CYSLTR2: variants seen among roughly 807,000 people sequenced by gnomAD.
The protein encoded by CYSLTR2 is cysteinyl leukotriene receptor 2.
For synonymous variants in CYSLTR2, 179 were observed against 160.8 expected (o/e 1.11, Z -0.86); for missense variants, 398 against 411.9 (o/e 0.97, Z 0.29).
At position 48,708,456 on chromosome 13, in the gene CYSLTR2, A is replaced by C. The variant is rs1445353761; in HGVS notation, c.*598A>C. On this transcript the variant is annotated 3_prime_UTR_variant, in exon 5 of 5. Coordinates refer to ENST00000682523, the MANE Select transcript of CYSLTR2 (RefSeq NM_001308476.3). ...AGGGGAAGGAAGAATTTCATTTTGC[A>C]TTGGGAGAGAGGTTCTAACACACTG... 1.2e-5 allele frequency: 2 copies of C among 167,226 alleles called. No individual in the cohort carries two copies. The highest frequency in any genetic ancestry group is 2.9e-5 in the Non-Finnish European group (2 of 68,220). The allele number at this position is 167,226 out of a possible 1,614,324, so 10.4% of individuals were successfully genotyped here.
chr13:48,658,554 A>G (rs1314919162), intron 1 of CYSLTR2, among the ~76,000 whole-genome samples: 1 of 152,226 alleles, frequency 6.6e-6, no homozygotes, highest in Non-Finnish European at 1.5e-5. Flanking sequence ...AGGGATAGAC[A>G]GGAGACAACT....
At chr13:48,663,985 T>C (rs942823435) in intron 1 of CYSLTR2, among the ~76,000 whole-genome samples, 1 of 152,080 alleles carries the variant, frequency 6.6e-6, no homozygotes, top group Admixed American at 6.6e-5. Context: ...GCCTTTGTTA[T>C]ATTGAAGTAC....
chr13:48,661,913 AG>A (rs1305509613), intron 1 of CYSLTR2, among the ~76,000 whole-genome samples: 1 of 152,178 alleles, frequency 6.6e-6, no homozygotes, highest in East Asian at 1.9e-4. Context: ...ATTGTTAATT[AG>A]AGCCATCTTA....
Position 48,707,522 on chromosome 13 carries a change from A to C in CYSLTR2, c.705A>C (p.Glu235Asp). The change falls in exon 5 of 5, where the codon GAA becomes GAC. Residue 235 changes from glutamate to aspartate, a missense_variant. Coordinates refer to ENST00000682523, the MANE Select transcript of CYSLTR2 (RefSeq NM_001308476.3). Reference sequence around the variant, plus strand: ...TTCTGTTAAAAGTGGAGGTCCCAGAATCGGGGCTGCGGGTTTCTCACAGGA... The same window carrying C: ...TTCTGTTAAAAGTGGAGGTCCCAGACTCGGGGCTGCGGGTTTCTCACAGGA... ...IRVLLKVEVP[E>D]SGLRVSHRKA... is the part of the protein sequence containing the mutation. 1 of 1,610,094 alleles carries C rather than the reference A, an allele frequency of 6.2e-7. No individual in the cohort carries two copies. Among genetic ancestry groups the C allele is most frequent in the East Asian group, 2.2e-5 (1 of 44,882 alleles).
At position 48,708,895 on chromosome 13, in the gene CYSLTR2, C is replaced by T. The variant is rs34494076; in HGVS notation, c.*1037C>T. On this transcript the variant is annotated 3_prime_UTR_variant, in exon 5 of 5. Coordinates refer to ENST00000682523, the MANE Select transcript of CYSLTR2 (RefSeq NM_001308476.3). ...AGTGTGAGAGGTTCCTTTCTGTCCA[C>T]TGAAACAAGGCTAAGGATACTACCA... 0.22 allele frequency: 36,300 copies of T among 166,962 alleles called. 4,812 individuals are homozygous for T. The highest frequency in any genetic ancestry group is 0.34 in the East Asian group (1,747 of 5,166). 10.3% of individuals were successfully genotyped at this position (166,962 alleles called of 1,614,324 possible).
chr13:48,700,996 G>A (rs558722627), intron 4 of CYSLTR2, among the ~76,000 whole-genome samples: 5 of 152,284 alleles, frequency 3.3e-5, no homozygotes, highest in African/African-American at 1.2e-4. Flanking sequence ...ACTGCTCAAT[G>A]AAATAAAAGA....
chr13:48,656,001 A>G (rs1206132967), intron 1 of CYSLTR2, among the ~76,000 whole-genome samples: 1 of 152,270 alleles, frequency 6.6e-6, no homozygotes, highest in Admixed American at 6.5e-5. Flanking sequence ...CGAAATAAGA[A>G]AAAAGCAAGA....
intron 1 of CYSLTR2, among the ~76,000 whole-genome samples, chr13:48,655,437 G>A (rs139419407): frequency 5.4e-4 from 83 of 152,322 alleles, no homozygotes; most frequent in African/African-American, 1.7e-3. Flanking sequence ...ATCCTCAGGA[G>A]GAAAGTGGAT....
At chr13:48,677,596 C>T (rs568670666) in intron 1 of CYSLTR2, among the ~76,000 whole-genome samples, 7 of 152,062 alleles carry the variant, frequency 4.6e-5, no homozygotes, top group Admixed American at 6.5e-5. Context: ...AGAGATGAAC[C>T]GAGGAAGAAA....
intron 4 of CYSLTR2, among the ~76,000 whole-genome samples, chr13:48,705,996 G>GTTTTTTTTTTTTTTTTTTT (rs368909553): frequency 7.8e-6 from 1 of 128,590 alleles, no homozygotes; most frequent in Non-Finnish European, 1.6e-5. Flanking sequence ...TTGTTTTGTT[G>GTTTTTTTTTTTTTTTTTTT]TTGTTTTTTT....
At chr13:48,689,400 G>C (rs1048773481) in intron 1 of CYSLTR2, among the ~76,000 whole-genome samples, 17 of 152,156 alleles carry the variant, frequency 1.1e-4, no homozygotes, top group African/African-American at 4.1e-4. Flanking sequence ...TTACATTTAA[G>C]TCTTTAATCC....
At chr13:48,670,837 G>A (rs1195631219) in intron 1 of CYSLTR2, among the ~76,000 whole-genome samples, 1 of 152,078 alleles carries the variant, frequency 6.6e-6, no homozygotes, top group Non-Finnish European at 1.5e-5. Flanking sequence ...AGCTTGATGG[G>A]GATAGCATTG....
intron 1 of CYSLTR2, among the ~76,000 whole-genome samples, chr13:48,690,862 C>T (rs1261050852): frequency 6.6e-6 from 1 of 151,696 alleles, no homozygotes; most frequent in Non-Finnish European, 1.5e-5. Flanking sequence ...TGGTAGATAT[C>T]GGCTGTGAAT....
At chr13:48,667,585 T>C (rs1011024251) in intron 1 of CYSLTR2, among the ~76,000 whole-genome samples, 4 of 152,134 alleles carry the variant, frequency 2.6e-5, no homozygotes, top group Non-Finnish European at 5.9e-5. Flanking sequence ...TCAGGACTGT[T>C]ATATGGGTGC....
intron 1 of CYSLTR2, among the ~76,000 whole-genome samples, chr13:48,665,613 T>C (rs921042709): frequency 1.3e-5 from 2 of 152,166 alleles, no homozygotes; most frequent in South Asian, 2.1e-4. Flanking sequence ...TTGTCTGATA[T>C]AAGCATAGCT....
chr13:48,693,222 T>C (rs915790605), intron 2 of CYSLTR2, among the ~76,000 whole-genome samples: 2 of 151,950 alleles, frequency 1.3e-5, no homozygotes, highest in African/African-American at 4.8e-5. Flanking sequence ...AAAATTTAAC[T>C]TTGGCCTTAT....
intron 4 of CYSLTR2, among the ~76,000 whole-genome samples, chr13:48,701,942 C>G (rs1241164262): frequency 6.6e-6 from 1 of 152,136 alleles, no homozygotes; most frequent in Non-Finnish European, 1.5e-5. Context: ...AATCATGCTA[C>G]TATAGAGACA....
rs1250096853 is a variant in CYSLTR2 at position 48,706,957 on chromosome 13, T to C, written c.140T>C (p.Ile47Thr). ...GAATTTTTCCCAATTGTATATCTGA[T>C]AATATTTTTCTGGGGAGTCTTGGGA... is the stretch of plus-strand genomic sequence containing the variant. Reference protein sequence around the residue: ...KREFFPIVYLIIFFWGVLGNG... With the variant: ...KREFFPIVYLTIFFWGVLGNG... The change falls in exon 5 of 5, where the codon ATA (isoleucine) becomes ACA (threonine). Residue 47 changes from isoleucine (I) to threonine (T), a missense_variant. Ile to Thr is a moderately conservative substitution (Grantham distance 89). Transcript: ENST00000682523. 1 of 1,614,026 alleles carries C rather than the reference T, an allele frequency of 6.2e-7. No individual in the cohort carries two copies. The highest frequency in any genetic ancestry group is 1.3e-5 in the African/African-American group (1 of 74,894).
At chr13:48,692,444 C>A (rs1220408465) in intron 2 of CYSLTR2, among the ~76,000 whole-genome samples, 1 of 151,622 alleles carries the variant, frequency 6.6e-6, no homozygotes, top group Non-Finnish European at 1.5e-5. Context: ...ATTAATATGG[C>A]TTTACATGTA....
Sources: allele counts gnomAD v4.1 joint callset (sites outside exome capture counted in the v4.1 genomes callset), GRCh38; gene constraint gnomAD v4.1.1; transcripts MANE v1.5; gene names NCBI Gene and HGNC (gene_info 2026-07-23, HGNC 2026-07-21).